Variants in NAALADL2 observed in about 807,000 individuals in gnomAD.
NAALADL2 encodes N-acetylated alpha-linked acidic dipeptidase like 2.
Under a neutral mutation model 87.2 loss-of-function variants are expected in NAALADL2, and 76 were observed. The observed-to-expected ratio is 0.87, with a 90% CI of 0.72 to 1.05. The LOEUF (loss-of-function observed/expected upper bound fraction) is 1.05. NAALADL2 is among the 50% of genes least tolerant of loss of function. The pLI is 0.00. For missense variants in NAALADL2, 1,089 were observed against 945.8 expected, an observed-to-expected ratio of 1.15 and a Z score of -1.99; for synonymous variants, 354 against 331.0, an observed-to-expected ratio of 1.07 and a Z score of -0.75.
intron 11 of NAALADL2, among the ~76,000 whole-genome samples, chr3:175,635,679 T>C (rs2149741187): frequency 6.6e-6 from 1 of 152,278 alleles, no homozygotes; most frequent in Non-Finnish European, 1.5e-5. Context: ...TTTAGGGATC[T>C]GTCAATAAGT....
intron 3 of NAALADL2, among the ~76,000 whole-genome samples, chr3:174,848,192 TTA>T (rs1374667575): frequency 2.6e-5 from 4 of 152,152 alleles, no homozygotes; most frequent in Non-Finnish European, 1.5e-5. Flanking sequence ...TTTCCATGTT[TTA>T]TGACATGTAA....
chr3:175,281,320 T>A lies in NAALADL2; in HGVS notation c.939+24790T>A, dbSNP rs181178973. ...ATTCTTAAAACTTTTTATTGCCAGTTAAGGTTTAATTGCCTCTTATAGTAA... is the reference window on the plus strand; with the variant it reads ...ATTCTTAAAACTTTTTATTGCCAGTAAAGGTTTAATTGCCTCTTATAGTAA... On this transcript the variant is annotated intron_variant, in intron 4 of 13. Coordinates refer to ENST00000454872, the MANE Select transcript of NAALADL2 (RefSeq NM_207015.3). 5.9e-5 allele frequency among the ~76,000 whole-genome samples: 9 copies of A among 151,998 alleles called. 1 individual carries two copies. Among genetic ancestry groups the A allele is most frequent in the Admixed American group, 2.6e-4 (4 of 15,258 alleles).
intron 2 of NAALADL2, among the ~76,000 whole-genome samples, chr3:175,107,506 A>T (rs1723381611): frequency 7.3e-6 from 1 of 136,766 alleles, no homozygotes; most frequent in Non-Finnish European, 1.6e-5. Context: ...GCACGAACAC[A>T]CACATACACA....
intron 11 of NAALADL2, among the ~76,000 whole-genome samples, chr3:175,730,395 GATATATATATAT>G (rs5854656): frequency 0.025 from 1,372 of 55,686 alleles, 41 homozygotes; most frequent in African/African-American, 0.052. Context: ...ACTTAATACA[GATATATATATAT>G]ATATATATAT....
At chr3:174,924,759 T>G (rs555647101) in intron 1 of NAALADL2, among the ~76,000 whole-genome samples, 2 of 152,280 alleles carry the variant, frequency 1.3e-5, no homozygotes, top group South Asian at 4.1e-4. Flanking sequence ...CCATTCTAAT[T>G]GGTGTGAGAT....
At chr3:175,312,002 G>A (rs946508426) in intron 4 of NAALADL2, among the ~76,000 whole-genome samples, 19 of 152,066 alleles carry the variant, frequency 1.2e-4, no homozygotes, top group African/African-American at 4.6e-4. Context: ...TGATTACAGT[G>A]AATTTTCCTA....
chr3:174,862,218 G>A (rs10513723), intron 1 of NAALADL2, among the ~76,000 whole-genome samples: 26,942 of 151,946 alleles, frequency 0.18, 3,155 homozygotes, highest in African/African-American at 0.32. Flanking sequence ...TTTGTGAAGG[G>A]AAGGATCATT....
chr3:175,678,641 G>T (rs953093321), intron 11 of NAALADL2, among the ~76,000 whole-genome samples: 1 of 152,074 alleles, frequency 6.6e-6, no homozygotes, highest in Non-Finnish European at 1.5e-5. Flanking sequence ...ACTAAACACC[G>T]CATGTTCTCA....
At chr3:174,855,256 T>G (rs1725724981), upstream of NAALADL2, among the ~76,000 whole-genome samples, 2 of 152,276 alleles carry the variant, frequency 1.3e-5, no homozygotes. Context: ...TTATGACAGC[T>G]ATGACATTAT....
At chr3:175,215,215 G>A (rs1489549455) in intron 2 of NAALADL2, among the ~76,000 whole-genome samples, 1 of 151,938 alleles carries the variant, frequency 6.6e-6, no homozygotes, top group East Asian at 1.9e-4. Flanking sequence ...TGTTTTTCAG[G>A]GTTGATGTGA....
chr3:174,602,535 TATAGG>T (rs1718555628), intron 2 of NAALADL2, among the ~76,000 whole-genome samples: 1 of 150,990 alleles, frequency 6.6e-6, no homozygotes, highest in Admixed American at 6.6e-5. Flanking sequence ...TTTTTCCAAA[TATAGG>T]ATAATATAAT....
intron 2 of NAALADL2, among the ~76,000 whole-genome samples, chr3:175,163,150 A>G (rs965297030): frequency 1.3e-5 from 2 of 152,114 alleles, no homozygotes; most frequent in Admixed American, 1.3e-4. Flanking sequence ...CTTAAAGTTT[A>G]TATGAAATGA....
intron 1 of NAALADL2, among the ~76,000 whole-genome samples, chr3:174,882,599 A>ATATATGTG (rs1326296678): frequency 1.2e-4 from 18 of 149,968 alleles, no homozygotes; most frequent in African/African-American, 4.4e-4. Context: ...GTGTATATAC[A>ATATATGTG]CATACATATA....
At position 175,362,723 on chromosome 3, in the gene NAALADL2, A is replaced by G. The variant is rs759588785; in HGVS notation, c.1090+38398A>G. ...AGTGGTGGGATTGTTGGATCAAATG[A>G]TAGTTCTCCTTTTGGTTCTTTAAGG... On this transcript the variant is annotated intron_variant, in intron 5 of 13. Transcript: ENST00000454872. 3.0e-4 allele frequency among the ~76,000 whole-genome samples: 45 copies of G among 148,008 alleles called. 4 individuals are homozygous for G. The highest frequency in any genetic ancestry group is 5.4e-4 in the Non-Finnish European group (36 of 66,496).
chr3:175,207,989 T>C (rs904658846), intron 2 of NAALADL2, among the ~76,000 whole-genome samples: 6 of 152,102 alleles, frequency 3.9e-5, no homozygotes, highest in African/African-American at 1.4e-4. Context: ...TAAAAGCTCT[T>C]ATTGGAAAGA....
chr3:174,862,134 G>A (rs1444525997), intron 1 of NAALADL2, among the ~76,000 whole-genome samples: 3 of 151,934 alleles, frequency 2.0e-5, no homozygotes, highest in Non-Finnish European at 1.5e-5. Flanking sequence ...TTTTCTAAAC[G>A]TTGCAAATAT....
intron 4 of NAALADL2, among the ~76,000 whole-genome samples, chr3:175,288,218 A>T (rs555276884): frequency 4.2e-4 from 64 of 152,256 alleles, no homozygotes; most frequent in African/African-American, 1.4e-3. Flanking sequence ...TTGATGTCCC[A>T]GTTTAAAAGT....
At chr3:175,007,185 C>T (rs1445308013) in intron 1 of NAALADL2, among the ~76,000 whole-genome samples, 1 of 147,168 alleles carries the variant, frequency 6.8e-6, no homozygotes, top group Non-Finnish European at 1.5e-5. Flanking sequence ...ACTCTAAAGG[C>T]CAGAAAAGGA....
Position 175,131,864 on chromosome 3 carries a change from C to T in NAALADL2, c.545+34573C>T, listed in dbSNP as rs1218174831. 2.1e-3 allele frequency among the ~76,000 whole-genome samples: 109 copies of T among 51,880 alleles called. 14 individuals are homozygous for T. Among genetic ancestry groups the T allele is most frequent in the Non-Finnish European group, 2.9e-3 (86 of 29,688 alleles). The allele number at this position is 51,880 out of a possible 152,430, so 34.0% of individuals were successfully genotyped here. On this transcript the variant is annotated intron_variant, in intron 2 of 13. Coordinates refer to ENST00000454872, the MANE Select transcript of NAALADL2 (RefSeq NM_207015.3). ...CTCCCGGACGGGGCGGCTGGCCGGG[C>T]GGGGTCTGACCCCCCCACCTCCCTC...
Sources: gnomAD v4.1 joint callset for allele counts (sites outside exome capture counted in the v4.1 genomes callset) on GRCh38, gnomAD v4.1.1 for gene constraint, MANE v1.5 for transcripts, NCBI Gene and HGNC (gene_info 2026-07-23, HGNC 2026-07-21) for gene names.